ADGRB3: variants seen among roughly 807,000 people sequenced by gnomAD.
ADGRB3 encodes brain-specific angiogenesis inhibitor 3.
ADGRB3 carries 37 observed loss-of-function variants against 193.4 expected under a neutral mutation model. That is an observed-to-expected ratio of 0.19 (90% CI 0.15 to 0.25). The LOEUF (loss-of-function observed/expected upper bound fraction) is 0.25, where lower values mean the gene tolerates loss of function less well. Among genes scored for constraint, ADGRB3 ranks in the 10% least tolerant of loss-of-function variants. ADGRB3 has a pLI of 1.00. For synonymous variants in ADGRB3, 690 were observed against 644.2 expected (o/e 1.07, Z -1.08); for missense variants, 1,637 against 1,852.9 (o/e 0.88, Z 2.14).
intron 10 of ADGRB3, among the ~76,000 whole-genome samples, chr6:68,987,805 TGTA>T (rs1769122785): frequency 6.6e-6 from 1 of 152,120 alleles, no homozygotes; most frequent in Non-Finnish European, 1.5e-5. Flanking sequence ...TTATAAAACA[TGTA>T]GTCTCATGCT....
intron 16 of ADGRB3, among the ~76,000 whole-genome samples, chr6:69,075,393 G>T (rs1012990741): frequency 1.3e-5 from 2 of 152,102 alleles, no homozygotes; most frequent in Non-Finnish European, 2.9e-5. Context: ...GTCACGGCAG[G>T]TACTCAATTC....
At chr6:68,817,304 CATGTATATATATATATAT>C (rs1268391854) in intron 3 of ADGRB3, among the ~76,000 whole-genome samples, 948 of 57,106 alleles carry the variant, frequency 0.017, 21 homozygotes, top group African/African-American at 0.023. Flanking sequence ...CCCTTTTGTC[CATGTATATATATATATAT>C]ATATATATAT....
chr6:68,932,948 G>A (rs1027598249), intron 4 of ADGRB3, among the ~76,000 whole-genome samples: 2 of 148,896 alleles, frequency 1.3e-5, no homozygotes, highest in Non-Finnish European at 3.0e-5. Flanking sequence ...GTAATTAAAA[G>A]CAATCTTTCT....
At chr6:68,910,502 T>C (rs976202949) in intron 3 of ADGRB3, among the ~76,000 whole-genome samples, 3 of 152,204 alleles carry the variant, frequency 2.0e-5, no homozygotes, top group African/African-American at 7.2e-5. Flanking sequence ...CTGAATGGTA[T>C]TGCCTAGGTT....
intron 17 of ADGRB3, chr6:69,232,945 G>A: frequency 2.2e-6 from 1 of 452,428 alleles, no homozygotes. Context: ...ACAATCCGAT[G>A]AGCATAGGAA....
At chr6:69,105,228 A>ACC (rs775329420) in intron 17 of ADGRB3, among the ~76,000 whole-genome samples, 1 of 152,176 alleles carries the variant, frequency 6.6e-6, no homozygotes, top group South Asian at 2.1e-4. Context: ...TTATTGTACC[A>ACC]CCCTTCCCTT....
At chr6:69,178,583 G>T (rs1775496075) in intron 17 of ADGRB3, among the ~76,000 whole-genome samples, 1 of 152,096 alleles carries the variant, frequency 6.6e-6, no homozygotes, top group South Asian at 2.1e-4. Context: ...TGTGGTAGCA[G>T]GTATCATTCT....
chr6:68,886,065 A>C (rs1412961652), intron 3 of ADGRB3, among the ~76,000 whole-genome samples: 1 of 152,126 alleles, frequency 6.6e-6, no homozygotes, highest in Non-Finnish European at 1.5e-5. Flanking sequence ...TTTGTGCCCT[A>C]TAAACGTTAG....
chr6:69,356,252 C>T (rs191819699), intron 28 of ADGRB3, among the ~76,000 whole-genome samples: 2 of 152,170 alleles, frequency 1.3e-5, no homozygotes, highest in African/African-American at 4.8e-5. Flanking sequence ...ATGATTTGTA[C>T]AATAACATCA....
chr6:69,195,951 G>T (rs1765285396), intron 17 of ADGRB3, among the ~76,000 whole-genome samples: 1 of 152,082 alleles, frequency 6.6e-6, no homozygotes, highest in Non-Finnish European at 1.5e-5. Flanking sequence ...ATAGTCTACT[G>T]ATATCCATGA....
At chr6:68,849,847 T>C (rs1768361462) in intron 3 of ADGRB3, among the ~76,000 whole-genome samples, 1 of 151,904 alleles carries the variant, frequency 6.6e-6, no homozygotes, top group African/African-American at 2.4e-5. Context: ...TCAACTTTAG[T>C]TTCATTTGAA....
At chr6:69,237,911 G>T (rs1378221762) in intron 19 of ADGRB3, among the ~76,000 whole-genome samples, 1 of 151,998 alleles carries the variant, frequency 6.6e-6, no homozygotes, top group African/African-American at 2.4e-5. Context: ...CAACCCTGAG[G>T]CCATTTTGTG....
chr6:68,917,864 A>T (rs1339264642), intron 3 of ADGRB3, among the ~76,000 whole-genome samples: 1 of 152,198 alleles, frequency 6.6e-6, no homozygotes, highest in African/African-American at 2.4e-5. Flanking sequence ...AATGCAATCA[A>T]AAATTAAATT....
intron 3 of ADGRB3, among the ~76,000 whole-genome samples, chr6:68,765,957 A>AT (rs553422038): frequency 6.6e-6 from 1 of 151,956 alleles, no homozygotes; most frequent in Non-Finnish European, 1.5e-5. Context: ...GTTTTTTGAA[A>AT]TTTTTTGGTA....
chr6:69,051,143 G>C (rs1042178183), intron 15 of ADGRB3, among the ~76,000 whole-genome samples: 1 of 152,066 alleles, frequency 6.6e-6, no homozygotes, highest in Non-Finnish European at 1.5e-5. Flanking sequence ...TCATGACAGA[G>C]GCAGTTTGTC....
Position 69,149,858 on chromosome 6 carries a change from C to T in ADGRB3, c.2480+73820C>T, listed in dbSNP as rs761662455. Among the ~76,000 whole-genome samples the T allele has an allele frequency of 2.7e-4, 41 of 151,864 alleles. 1 individual carries two copies. The highest frequency in any genetic ancestry group is 7.9e-4 in the Admixed American group (12 of 15,234). ...AGAGAATTCCCTGGGTTATTCTCTT[C>T]GCTCTCTTCCCCTTACTTTCACCCA... On this transcript the variant is annotated intron_variant, in intron 17 of 31. Coordinates refer to ENST00000370598, the MANE Select transcript of ADGRB3 (RefSeq NM_001704.3).
At chr6:68,762,563 G>A (rs527313588) in intron 3 of ADGRB3, among the ~76,000 whole-genome samples, 25 of 147,072 alleles carry the variant, frequency 1.7e-4, no homozygotes, top group African/African-American at 6.1e-4. Context: ...TGAATAAATA[G>A]GACTAGTAAA....
chr6:69,268,781 A>G (rs140053370), intron 20 of ADGRB3, among the ~76,000 whole-genome samples: 1 of 152,166 alleles, frequency 6.6e-6, no homozygotes, highest in African/African-American at 2.4e-5. Flanking sequence ...CTTTATCACT[A>G]CTTTCCCTGT....
intron 3 of ADGRB3, among the ~76,000 whole-genome samples, chr6:68,752,806 G>GT (rs1191244305): frequency 1.3e-5 from 2 of 152,232 alleles, no homozygotes; most frequent in African/African-American, 4.8e-5. Context: ...TTGATAGAAA[G>GT]TTTTTTATGG....
Sources: gnomAD v4.1 joint callset for allele counts (sites outside exome capture counted in the v4.1 genomes callset) on GRCh38, gnomAD v4.1.1 for gene constraint, MANE v1.5 for transcripts, NCBI Gene and HGNC (gene_info 2026-07-23, HGNC 2026-07-21) for gene names.